EZH2: variants seen among roughly 807,000 people sequenced by gnomAD.
EZH2 encodes histone-lysine N-methyltransferase EZH2.
A neutral mutation model predicts 98.4 loss-of-function variants in EZH2; 18 were observed. The ratio of observed to expected loss-of-function variants is 0.18; its 90% CI spans 0.13 to 0.27. EZH2 has a LOEUF of 0.27. EZH2 is among the 10% of genes least tolerant of loss of function. EZH2 has a pLI of 1.00. For synonymous variants in EZH2, 338 were observed against 312.3 expected, an observed-to-expected ratio of 1.08 and a Z score of -0.87; for missense variants, 470 against 935.1, an observed-to-expected ratio of 0.50 and a Z score of 6.49.
intron 1 of EZH2, among the ~76,000 whole-genome samples, chr7:148,859,805 A>C (rs536110299): frequency 6.4e-4 from 97 of 152,308 alleles, no homozygotes; most frequent in Non-Finnish European, 1.1e-3. Context: ...ATGCAGGCTC[A>C]GTATATCCGC....
chr7:148,849,625 T>C (rs1445309721), intron 1 of EZH2, among the ~76,000 whole-genome samples: 2 of 152,154 alleles, frequency 1.3e-5, no homozygotes, highest in Non-Finnish European at 2.9e-5. Flanking sequence ...AAACTCAAGA[T>C]GACCCCAGCT....
At chr7:148,856,242 ATACTC>A (rs1816816143) in intron 1 of EZH2, among the ~76,000 whole-genome samples, 1 of 152,180 alleles carries the variant, frequency 6.6e-6, no homozygotes, top group Admixed American at 6.5e-5. Flanking sequence ...AATTCTGAAA[ATACTC>A]TACATGTACA....
intron 1 of EZH2, among the ~76,000 whole-genome samples, chr7:148,877,339 G>A (rs745495243): frequency 2.0e-5 from 3 of 152,078 alleles, no homozygotes; most frequent in South Asian, 2.1e-4. Flanking sequence ...TAGATAAAAC[G>A]TGTGGTACCA....
At chr7:148,809,018 C>A (rs189122403) in intron 19 of EZH2, 53 bp downstream of exon 19, 2 of 1,457,700 alleles carry the variant, frequency 1.4e-6, no homozygotes, top group Admixed American at 1.7e-5. Flanking sequence ...CCAGAGTTCA[C>A]AATCCAGTAG....
At position 148,836,409 on chromosome 7, in the gene EZH2, C is replaced by T. The variant is rs78817545; in HGVS notation, c.247-3659G>A. Among the ~76,000 whole-genome samples, 1,426 of 152,214 alleles carry T rather than the reference C, an allele frequency of 9.4e-3. 17 individuals carry two copies. Among genetic ancestry groups the T allele is most frequent in the African/African-American group, 0.032 (1,349 of 41,536 alleles). ...AAAAGCATTTGTTGGTGAAAACAAA[C>T]GTGGGATTCTTATTTATTGACTTAC... On this transcript the variant is annotated intron_variant, in intron 3 of 19. Coordinates refer to ENST00000320356, the MANE Select transcript of EZH2 (RefSeq NM_004456.5).
chr7:148,869,016 T>TG (rs1249785392), intron 1 of EZH2, among the ~76,000 whole-genome samples: 5 of 152,222 alleles, frequency 3.3e-5, no homozygotes, highest in African/African-American at 1.2e-4. Context: ...TAGATTTGAT[T>TG]GTTTATAAAG....
chr7:148,815,878 C>T (rs1804413642), intron 12 of EZH2, among the ~76,000 whole-genome samples: 1 of 152,218 alleles, frequency 6.6e-6, no homozygotes, highest in Non-Finnish European at 1.5e-5. Context: ...CCTCTTATTT[C>T]AGGCATCATA....
intron 1 of EZH2, among the ~76,000 whole-genome samples, chr7:148,882,484 T>A (rs971434798): frequency 6.6e-6 from 1 of 152,192 alleles, no homozygotes; most frequent in Non-Finnish European, 1.5e-5. Flanking sequence ...ATTCCTAACT[T>A]TAGAGACCAT....
chr7:148,855,797 C>T (rs1816720566), intron 1 of EZH2, among the ~76,000 whole-genome samples: 1 of 148,648 alleles, frequency 6.7e-6, no homozygotes, highest in African/African-American at 2.5e-5. Flanking sequence ...ACTCAGGAGG[C>T]TGAGGCAGGA....
chr7:148,824,183 C>T (rs981627332), intron 8 of EZH2, among the ~76,000 whole-genome samples: 27 of 152,042 alleles, frequency 1.8e-4, no homozygotes, highest in African/African-American at 3.9e-4. Context: ...GACGTGGTGG[C>T]GGGCGCCTGT....
At chr7:148,854,646 C>G (rs965197440) in intron 1 of EZH2, among the ~76,000 whole-genome samples, 1 of 152,166 alleles carries the variant, frequency 6.6e-6, no homozygotes, top group Non-Finnish European at 1.5e-5. Flanking sequence ...CCAAACCCAA[C>G]AAGATGTAAG....
chr7:148,817,991 T>C lies in EZH2; in HGVS notation c.1126A>G (p.Asn376Asp). ...TCTGTATCCTTTGATTCCAGCACATTAATGGTGGGGGTGCTGGGCCTGCTA... is the reference window on the plus strand; with the variant it reads ...TCTGTATCCTTTGATTCCAGCACATCAATGGTGGGGGTGCTGGGCCTGCTA... Reference protein sequence around the residue: ...NSSRPSTPTINVLESKDTDSD... With the variant: ...NSSRPSTPTIDVLESKDTDSD... The change falls in exon 10 of 20, where the codon AAT (asparagine) becomes GAT (aspartate). Residue 376 changes from asparagine to aspartate, a missense_variant. By Grantham distance (23) the Asn-to-Asp change is conservative. Around this residue, in one of 6 missense-constraint regions of EZH2, gnomAD observed 192 missense variants for 306.8 expected, o/e 0.63. Transcript: ENST00000320356. 1 of 1,614,118 alleles carries C rather than the reference T, an allele frequency of 6.2e-7. No individual in the cohort carries two copies. Among genetic ancestry groups the C allele is most frequent in the Non-Finnish European group, 8.5e-7 (1 of 1,180,028 alleles).
In EZH2 at chr7:148,858,291, C is replaced by CAA. The variant is rs71529642; in HGVS notation, c.-7-10988_-7-10987dup. ...TGGGTGACAGAGCAAGACTCTGTCT[C>CAA]AAAAAAAAAACAGGTAGTAATTAAG... On this transcript the variant is annotated intron_variant, in intron 1 of 19. Transcript: ENST00000320356. Among the ~76,000 whole-genome samples, 158 of 144,684 alleles carry CAA rather than the reference C, an allele frequency of 1.1e-3. 1 individual carries two copies. Among genetic ancestry groups the CAA allele is most frequent in the East Asian group, 3.0e-3 (15 of 4,964 alleles). The allele number at this position is 144,684 out of a possible 152,430, so 94.9% of individuals were successfully genotyped here. A position where few individuals can be genotyped will look rare whatever the true frequency, so the allele number is the denominator to read the frequency against.
intron 1 of EZH2, among the ~76,000 whole-genome samples, chr7:148,879,838 G>A (rs1820713565): frequency 6.6e-6 from 1 of 152,084 alleles, no homozygotes; most frequent in Non-Finnish European, 1.5e-5. Context: ...AAACACAATG[G>A]CTCAGCCTGT....
At chr7:148,819,081 G>A in intron 9 of EZH2, 4 of 455,854 alleles carry the variant, frequency 8.8e-6, no homozygotes, top group East Asian at 7.0e-5. Flanking sequence ...GAGGGGAAAT[G>A]GTAAAAATAA....
At chr7:148,816,139 G>A (rs149673388) in intron 12 of EZH2, among the ~76,000 whole-genome samples, 23 of 152,170 alleles carry the variant, frequency 1.5e-4, no homozygotes, top group African/African-American at 5.3e-4. Context: ...AGAGGTATGG[G>A]GAGATTAGAG....
intron 11 of EZH2, 185 bp downstream of exon 11, chr7:148,817,037 G>A: frequency 3.1e-6 from 2 of 636,620 alleles, no homozygotes; most frequent in Non-Finnish European, 5.2e-6. Context: ...CTACATTGGG[G>A]AAATTCTGTA....
intron 19 of EZH2, among the ~76,000 whole-genome samples, chr7:148,808,712 T>C (rs1252063940): frequency 6.6e-6 from 1 of 152,176 alleles, no homozygotes. Flanking sequence ...AGTAAAACCA[T>C]GTTGCAGAAA....
chr7:148,858,255 G>A (rs1460195387), intron 1 of EZH2, among the ~76,000 whole-genome samples: 1 of 151,592 alleles, frequency 6.6e-6, no homozygotes, highest in Non-Finnish European at 1.5e-5. Flanking sequence ...TAGCGCCACT[G>A]CACTCCAGCC....
Sources: allele counts gnomAD v4.1 joint callset (sites outside exome capture counted in the v4.1 genomes callset), GRCh38; gene constraint gnomAD v4.1.1; regional missense constraint gnomAD v4.1.1; transcripts MANE v1.5; gene names NCBI Gene and HGNC (gene_info 2026-07-23, HGNC 2026-07-21).